The following PRLR variants were observed in gnomAD, a reference collection of about 807,000 sequenced individuals.
PRLR encodes hPRL receptor.
PRLR carries 13 observed loss-of-function variants against 40.2 expected under a neutral mutation model. The ratio of observed to expected loss-of-function variants is 0.32; its 90% CI spans 0.21 to 0.51. The LOEUF (loss-of-function observed/expected upper bound fraction) is 0.51. Among genes scored for constraint, PRLR ranks in the 20% least tolerant of loss-of-function variants. The pLI is 0.97. For synonymous variants in PRLR, 269 were observed against 278.7 expected, an observed-to-expected ratio of 0.97 and a Z score of 0.35; for missense variants, 656 against 747.3, an observed-to-expected ratio of 0.88 and a Z score of 1.42.
chr5:35,193,293 T>A (rs1283756980), intron 1 of PRLR, among the ~76,000 whole-genome samples: 1 of 152,174 alleles, frequency 6.6e-6, no homozygotes, highest in African/African-American at 2.4e-5. Flanking sequence ...AGCCCCCAAG[T>A]TCTTTCCCTT....
chr5:35,108,480 G>A (rs751699225), intron 2 of PRLR, among the ~76,000 whole-genome samples: 21 of 151,936 alleles, frequency 1.4e-4, no homozygotes, highest in African/African-American at 7.2e-5. Context: ...AAACCCCATC[G>A]TCTCAGCCCA....
At chr5:35,162,050 A>G (rs543018914) in intron 1 of PRLR, among the ~76,000 whole-genome samples, 1 of 152,246 alleles carries the variant, frequency 6.6e-6, no homozygotes, top group East Asian at 1.9e-4. Flanking sequence ...CGTGATTCAC[A>G]GTCACAATAA....
At chr5:35,118,813 T>C (rs1285646053) in intron 1 of PRLR, among the ~76,000 whole-genome samples, 1 of 149,478 alleles carries the variant, frequency 6.7e-6, no homozygotes, top group East Asian at 2.0e-4. Flanking sequence ...TTTGACAGGG[T>C]CTTACTGTGT....
chr5:35,174,541 A>G (rs564606246), intron 1 of PRLR, among the ~76,000 whole-genome samples: 1 of 152,132 alleles, frequency 6.6e-6, no homozygotes, highest in African/African-American at 2.4e-5. Flanking sequence ...TTCAAACAAC[A>G]CTGCTGTGAA....
At chr5:35,050,247 T>C (rs923501461) in intron 8 of PRLR, among the ~76,000 whole-genome samples, 3 of 152,226 alleles carry the variant, frequency 2.0e-5, no homozygotes, top group African/African-American at 7.2e-5. Flanking sequence ...TCTGAGGAAT[T>C]ACGTGATGTC....
chr5:35,118,200 T>C (rs1773139739), intron 1 of PRLR, 78 bp from the exon 2 acceptor site: 1 of 729,000 alleles, frequency 1.4e-6, no homozygotes, highest in Non-Finnish European at 1.7e-6. Context: ...CTGCAGTACG[T>C]AGCATGGCTG....
chr5:35,225,937 C>T (rs1207649968), intron 1 of PRLR, among the ~76,000 whole-genome samples: 1 of 152,208 alleles, frequency 6.6e-6, no homozygotes, highest in Non-Finnish European at 1.5e-5. Context: ...CCGCCTCGGC[C>T]TCCTAAAGTG....
chr5:35,069,367 G>A (rs964666720), intron 7 of PRLR, among the ~76,000 whole-genome samples: 1 of 152,166 alleles, frequency 6.6e-6, no homozygotes, highest in African/African-American at 2.4e-5. Context: ...CTTTTGTTAA[G>A]CAAGAGTCAG....
At chr5:35,162,389 A>T (rs1276013611) in intron 1 of PRLR, among the ~76,000 whole-genome samples, 1 of 152,214 alleles carries the variant, frequency 6.6e-6, no homozygotes, top group East Asian at 1.9e-4. Context: ...TACCAAAAGG[A>T]GCTTCTTGGC....
chr5:35,079,917 G>A (rs1458795188), intron 5 of PRLR, among the ~76,000 whole-genome samples: 1 of 152,110 alleles, frequency 6.6e-6, no homozygotes, highest in East Asian at 1.9e-4. Flanking sequence ...TGACAAACCT[G>A]ACAAAAACAA....
At chr5:35,214,184 A>G (rs1776231931) in intron 1 of PRLR, among the ~76,000 whole-genome samples, 1 of 152,182 alleles carries the variant, frequency 6.6e-6, no homozygotes, top group African/African-American at 2.4e-5. Context: ...ATGTGGGACA[A>G]ATGGAGAAAG....
At chr5:35,175,050 A>T (rs1775105882) in intron 1 of PRLR, among the ~76,000 whole-genome samples, 1 of 152,222 alleles carries the variant, frequency 6.6e-6, no homozygotes, top group Non-Finnish European at 1.5e-5. Context: ...GTTGTCTTGT[A>T]GACGTATCCC....
intron 1 of PRLR, among the ~76,000 whole-genome samples, chr5:35,121,860 A>G (rs1316505496): frequency 6.6e-6 from 1 of 152,194 alleles, no homozygotes. Context: ...TCATTCATTT[A>G]TTCTTTCATT....
rs184252713 is a variant in PRLR, at chr5:35,065,888, G to C, written c.1070C>G (p.Pro357Arg). The C allele has an allele frequency of 1.1e-5, 18 of 1,614,148 alleles. No individual in the cohort carries two copies. In the East Asian group the frequency reaches 3.8e-4, roughly 34 times the overall value. The change falls in exon 10 of 10, where the codon CCT becomes CGT. Residue 357 changes from proline (P) to arginine (R), a missense_variant. By Grantham distance (103) the Pro-to-Arg change is moderately radical. Coordinates refer to ENST00000618457, the MANE Select transcript of PRLR (RefSeq NM_000949.7). ...CTCACACTTTTCAGACAAAAGGGAA[G>C]GGCTGTCACAGCTCCCCCGGCCTGA... is the stretch of plus-strand genomic sequence containing the variant. ...TDSGRGSCDS[P>R]SLLSEKCEEP...
At chr5:35,076,839 T>C (rs1357586615) in intron 5 of PRLR, among the ~76,000 whole-genome samples, 2 of 152,214 alleles carry the variant, frequency 1.3e-5, no homozygotes, top group African/African-American at 4.8e-5. Context: ...AGACTAACAG[T>C]GGATCTCTTG....
chr5:35,097,026 T>C (rs1287805060), intron 2 of PRLR, among the ~76,000 whole-genome samples: 2 of 152,228 alleles, frequency 1.3e-5, no homozygotes, highest in African/African-American at 4.8e-5. Flanking sequence ...CCTTTCTAGA[T>C]GATTCTAAAT....
chr5:35,150,163 C>T (rs1015062751), intron 1 of PRLR, among the ~76,000 whole-genome samples: 14 of 152,228 alleles, frequency 9.2e-5, no homozygotes, highest in Admixed American at 8.5e-4. Flanking sequence ...GGATTACAGG[C>T]GTGAGCCACC....
At chr5:35,194,630 G>A (rs578199034) in intron 1 of PRLR, among the ~76,000 whole-genome samples, 1 of 152,310 alleles carries the variant, frequency 6.6e-6, no homozygotes, top group East Asian at 1.9e-4. Context: ...AAACATGGAG[G>A]AAGCTTAAAA....
intron 2 of PRLR, among the ~76,000 whole-genome samples, chr5:35,090,002 G>A (rs1771102899): frequency 1.3e-5 from 2 of 152,140 alleles, no homozygotes; most frequent in Non-Finnish European, 2.9e-5. Context: ...TCCATCTTAT[G>A]TAACATAGAT....
Sources: gnomAD v4.1 joint callset for allele counts (sites outside exome capture counted in the v4.1 genomes callset) on GRCh38, gnomAD v4.1.1 for gene constraint, MANE v1.5 for transcripts, NCBI Gene and HGNC (gene_info 2026-07-23, HGNC 2026-07-21) for gene names.